GCN1: variants seen among roughly 807,000 people sequenced by gnomAD.
The protein encoded by GCN1 is stalled ribosome sensor GCN1.
Under a neutral mutation model 288.4 loss-of-function variants are expected in GCN1, and 90 were observed. That is an observed-to-expected ratio of 0.31 (90% CI 0.26 to 0.37). The LOEUF is 0.37. Among genes scored for constraint, GCN1 ranks in the 10% least tolerant of loss-of-function variants. GCN1 has a pLI of 1.00. For missense variants in GCN1, 2,586 were observed against 3,419.9 expected (o/e 0.76, Z 6.08); for synonymous variants, 1,386 against 1,420.2 (o/e 0.98, Z 0.54).
chr12:120,167,132 G>A (rs1351770385), intron 16 of GCN1, among the ~76,000 whole-genome samples: 9 of 151,856 alleles, frequency 5.9e-5, no homozygotes, highest in Non-Finnish European at 1.3e-4. Flanking sequence ...CTGAGGTCGG[G>A]AGTTCGAGAC....
At chr12:120,141,642 T>A (rs2139091605) in intron 44 of GCN1, among the ~76,000 whole-genome samples, 1 of 152,336 alleles carries the variant, frequency 6.6e-6, no homozygotes, top group South Asian at 2.1e-4. Context: ...CCCCTACTGG[T>A]GCTATGTTCC....
intron 21 of GCN1, 66 bp from the exon 22 acceptor site, chr12:120,161,649 A>T: frequency 8.2e-7 from 1 of 1,214,262 alleles, no homozygotes; most frequent in African/African-American, 1.5e-5. Flanking sequence ...GCCTCCCGCC[A>T]GCCATGCAAT....
chr12:120,169,060 C>G (rs765040777), intron 15 of GCN1, among the ~76,000 whole-genome samples: 79 of 152,230 alleles, frequency 5.2e-4, no homozygotes, highest in Non-Finnish European at 8.2e-4. Context: ...CATTGGGAGG[C>G]TGAGGTGGGT....
intron 15 of GCN1, 37 bp downstream of exon 15, chr12:120,170,132 C>G (rs773804187): frequency 2.5e-6 from 4 of 1,592,186 alleles, no homozygotes; most frequent in Non-Finnish European, 3.4e-6. Context: ...GTCAGAGGCC[C>G]CTGTCTCTAC....
At position 120,154,921 on chromosome 12, in the gene GCN1, C is replaced by A. The variant is rs1877690226; in HGVS notation, c.3701+49G>T. On this transcript the variant is annotated intron_variant, in intron 31 of 57. Coordinates refer to ENST00000300648, the MANE Select transcript of GCN1 (RefSeq NM_006836.2). ...TCACAGCACCCACCCAGCCAACCTGCCACATCTCACAAAGCTTGGAGTAGA... is the reference window on the plus strand; with the variant it reads ...TCACAGCACCCACCCAGCCAACCTGACACATCTCACAAAGCTTGGAGTAGA... The A allele has an allele frequency of 3.3e-6, 5 of 1,518,724 alleles. No individual in the cohort carries two copies. In the East Asian group the frequency reaches 1.1e-4, roughly 34 times the overall value. The allele number at this position is 1,518,724 out of a possible 1,614,324, so 94.1% of individuals were successfully genotyped here.
chr12:120,190,338 T>C lies in GCN1; in HGVS notation c.81A>G (p.Arg27=), dbSNP rs759033617. 1 of 1,609,770 alleles carries C rather than the reference T, an allele frequency of 6.2e-7. No individual in the cohort carries two copies. The highest frequency in any genetic ancestry group is 8.5e-7 in the Non-Finnish European group (1 of 1,176,088). The part of the protein sequence containing the change: ...KVTTASVKER[R]EILSELGKCV... ...ACTTCCCAAGTTCACTGAGGATTTCTCTCCGTTCCTTTACACTGGCTGTTG... is the reference window on the plus strand; with the variant it reads ...ACTTCCCAAGTTCACTGAGGATTTCCCTCCGTTCCTTTACACTGGCTGTTG... Residue 27 remains arginine (R), a synonymous_variant, in exon 2 of 58, where the codon AGA becomes AGG. Transcript: ENST00000300648.
Position 120,127,554 on chromosome 12 carries a change from A to G in GCN1, c.*295T>C, listed in dbSNP as rs1045479898. On this transcript the variant is annotated 3_prime_UTR_variant, in exon 58 of 58. Transcript: ENST00000300648. ...GAGGAACCCACAGTCTGACCCTGCT[A>G]TTATAGTTCCAGACCTAGCCATGCT... is the stretch of plus-strand genomic sequence containing the variant. 6.5e-6 allele frequency: 2 copies of G among 306,186 alleles called. No homozygotes were observed. Among genetic ancestry groups the G allele is most frequent in the Non-Finnish European group, 1.3e-5 (2 of 158,730 alleles). 19.0% of individuals were successfully genotyped at this position (306,186 alleles called of 1,614,324 possible). A position where few individuals can be genotyped will look rare whatever the true frequency, so the allele number is the denominator to read the frequency against.
Position 120,149,496 on chromosome 12 carries a change from T to A in GCN1, c.4546+110A>T, listed in dbSNP as rs1189875500. Reference sequence around the variant, plus strand: ...TTAAAAAGGCAGAGTCTTAACCCTATCCCTGGTCTGGGGAGCTCACAGGAC... The same window carrying A: ...TTAAAAAGGCAGAGTCTTAACCCTAACCCTGGTCTGGGGAGCTCACAGGAC... On this transcript the variant is annotated intron_variant, in intron 36 of 57. Coordinates refer to ENST00000300648, the MANE Select transcript of GCN1 (RefSeq NM_006836.2). 4.4e-5 allele frequency: 33 copies of A among 755,142 alleles called. No individual in the cohort carries two copies. The South Asian group carries it at 5.0e-4, about 11-fold the overall frequency. The allele number at this position is 755,142 out of a possible 1,614,324, so 46.8% of individuals were successfully genotyped here. A position where few individuals can be genotyped will look rare whatever the true frequency, so the allele number is the denominator to read the frequency against.
In GCN1 at chr12:120,144,527, C is replaced by A; in HGVS notation, c.5353-79G>T. 1 of 1,570,440 alleles carries A rather than the reference C, an allele frequency of 6.4e-7. No homozygotes were observed. The highest frequency in any genetic ancestry group is 1.2e-5 in the South Asian group (1 of 85,450). On this transcript the variant is annotated intron_variant, in intron 41 of 57. Coordinates refer to ENST00000300648, the MANE Select transcript of GCN1 (RefSeq NM_006836.2). The surrounding 1 kb of genome is among the most constrained non-coding windows in gnomAD (Gnocchi z 4.7). ...CAAAAAACATGGGGCTCACTGAAGG[C>A]TGAGGGCTCTGCCAACCAACCCCAG... is the stretch of plus-strand genomic sequence containing the variant.
Position 120,190,404 on chromosome 12 carries a change from T to A in GCN1, c.19-4A>T. The stretch of plus-strand genomic sequence containing the variant: ...AACGCTTTAGTGTCTCGGAAACCTG[T>A]GAAGGCCAAGCAACAGAAAAATTCA... On this transcript the variant is annotated splice_region_variant and splice_polypyrimidine_tract_variant and intron_variant, in intron 1 of 57. Transcript: ENST00000300648. The A allele has an allele frequency of 6.6e-7, 1 of 1,524,002 alleles. No homozygotes were observed. Among genetic ancestry groups the A allele is most frequent in the Non-Finnish European group, 9.1e-7 (1 of 1,098,016 alleles). The allele number at this position is 1,524,002 out of a possible 1,614,324, so 94.4% of individuals were successfully genotyped here.
chr12:120,183,979 G>T, intron 4 of GCN1, 133 bp downstream of exon 4: 2 of 839,094 alleles, frequency 2.4e-6, no homozygotes, highest in South Asian at 3.5e-5. Flanking sequence ...TCCCAACCCT[G>T]CTCCTCGGGA....
At position 120,175,859 on chromosome 12, in the gene GCN1, T is replaced by C. The variant is rs1878466796; in HGVS notation, c.929A>G (p.Asn310Ser). ...AGCTTCATCCATCAGGCGGGGACTG[T>C]TGGATTTCAGGTGACCTGCACACAC... Reference protein sequence around the residue: ...VKGLAGHLKSNSPRLMDEAVL... With the variant: ...VKGLAGHLKSSSPRLMDEAVL... The change falls in exon 11 of 58, where the codon AAC (asparagine) becomes AGC (serine). Residue 310 changes from asparagine (N) to serine (S), a missense_variant. By Grantham distance (46) the Asn-to-Ser change is conservative (BLOSUM62 1). Coordinates refer to ENST00000300648, the MANE Select transcript of GCN1 (RefSeq NM_006836.2). 2 of 1,609,580 alleles carry C rather than the reference T, an allele frequency of 1.2e-6. No homozygotes were observed. The highest frequency in any genetic ancestry group is 8.5e-7 in the Non-Finnish European group (1 of 1,178,608).
rs1341855880 is a variant in GCN1 at position 120,142,862 on chromosome 12, A to C, written c.5575T>G (p.Ser1859Ala). The change falls in exon 43 of 58, where the codon TCT becomes GCT. Residue 1859 changes from serine to alanine, a missense_variant. By Grantham distance (99) the Ser-to-Ala change is moderately conservative. Transcript: ENST00000300648. This position sits in a 1 kb window ranked among gnomAD's most constrained non-coding sequence, Gnocchi z 4.9. The part of the protein sequence containing the change: ...VTGKMTTETA[S>A]EDDNFGTAQS... ...GCAGTTCCAAAGTTATCATCCTCAGAGGCAGTTTCTGTGGTCATCTTCCCA... is the reference window on the plus strand; with the variant it reads ...GCAGTTCCAAAGTTATCATCCTCAGCGGCAGTTTCTGTGGTCATCTTCCCA... 6.2e-7 allele frequency: 1 copy of C among 1,613,788 alleles called. No individual in the cohort carries two copies. Among genetic ancestry groups the C allele is most frequent in the African/African-American group, 1.3e-5 (1 of 75,032 alleles).
chr12:120,131,393 T>C (rs1876817328), intron 54 of GCN1, 60 bp from the exon 55 acceptor site: 7 of 1,556,730 alleles, frequency 4.5e-6, no homozygotes, highest in Admixed American at 1.7e-5. Flanking sequence ...CCAGCACCCA[T>C]GAGGCCCATG....
At chr12:120,169,804 C>G (rs772567580) in intron 15 of GCN1, among the ~76,000 whole-genome samples, 1 of 152,202 alleles carries the variant, frequency 6.6e-6, no homozygotes, top group African/African-American at 2.4e-5. Context: ...GGAAACTTAA[C>G]GGCTACGGGA....
intron 42 of GCN1, among the ~76,000 whole-genome samples, chr12:120,143,923 T>G (rs1177888754): frequency 1.3e-5 from 2 of 152,268 alleles, no homozygotes; most frequent in Non-Finnish European, 2.9e-5. Context: ...CTTGGCAACA[T>G]TCTGCTCTTC....
At chr12:120,189,525 G>A (rs1344407099) in intron 2 of GCN1, among the ~76,000 whole-genome samples, 2 of 143,058 alleles carry the variant, frequency 1.4e-5, no homozygotes, top group African/African-American at 4.9e-5. Flanking sequence ...ACCACACCTG[G>A]CTAATTTTTG....
chr12:120,145,214 G>A, intron 39 of GCN1, 48 bp downstream of exon 39: 1 of 1,551,186 alleles, frequency 6.4e-7, no homozygotes. Context: ...CCATTTATGG[G>A]GACTGGATGA....
intron 16 of GCN1, among the ~76,000 whole-genome samples, chr12:120,165,802 G>GTA (rs2139120236): frequency 6.6e-6 from 1 of 151,726 alleles, no homozygotes; most frequent in South Asian, 2.1e-4. Context: ...TGTTGTTGTT[G>GTA]TTGTTTTGAG....
Sources: gnomAD v4.1 joint callset for allele counts (sites outside exome capture counted in the v4.1 genomes callset) on GRCh38, gnomAD v4.1.1 for gene constraint, Gnocchi (gnomAD v3.1) non-coding constraint, MANE v1.5 for transcripts, NCBI Gene and HGNC (gene_info 2026-07-23, HGNC 2026-07-21) for gene names.